The following NEK2 variants were observed in gnomAD, a reference collection of about 807,000 sequenced individuals.
NEK2 encodes the protein serine/threonine-protein kinase Nek2.
NEK2 carries 28 observed loss-of-function variants against 54.1 expected under a neutral mutation model. The ratio of observed to expected loss-of-function variants is 0.52; its 90% CI spans 0.38 to 0.71. NEK2 has a LOEUF of 0.71. Ranked by LOEUF, NEK2 falls within the 30% of genes least tolerant of loss-of-function variation. The pLI is 0.00. For missense variants in NEK2, 407 were observed against 531.5 expected (o/e 0.77, Z 2.30); for synonymous variants, 176 against 193.1 (o/e 0.91, Z 0.73).
At chr1:211,670,990 G>A (rs1415767341) in intron 4 of NEK2, among the ~76,000 whole-genome samples, 2 of 152,180 alleles carry the variant, frequency 1.3e-5, no homozygotes, top group Non-Finnish European at 2.9e-5. Context: ...CAAGACCCTT[G>A]AACAGTCAAG....
At chr1:211,667,874 C>A (rs1655228620) in intron 6 of NEK2, among the ~76,000 whole-genome samples, 1 of 151,994 alleles carries the variant, frequency 6.6e-6, no homozygotes, top group African/African-American at 2.4e-5. Flanking sequence ...GGCAAAACCC[C>A]ATCTCTACTA....
In NEK2 at chr1:211,663,207, T is replaced by C. The variant is rs552422095; in HGVS notation, c.*219A>G. ...AAAAGCCCAACCAAGAAAGTATTCT[T>C]TTTATAATATGTTCTTAAAAGAAGA... On this transcript the variant is annotated 3_prime_UTR_variant, in exon 8 of 8. Transcript: ENST00000366999. The C allele has an allele frequency of 7.6e-7, 1 of 1,323,612 alleles. No individual in the cohort carries two copies. Among genetic ancestry groups the C allele is most frequent in the South Asian group, 2.3e-5 (1 of 43,264 alleles). 82.0% of individuals were successfully genotyped at this position (1,323,612 alleles called of 1,614,324 possible).
chr1:211,663,820 C>T (rs1655092421), intron 7 of NEK2, among the ~76,000 whole-genome samples, 168 bp from the exon 8 acceptor site: 1 of 152,120 alleles, frequency 6.6e-6, no homozygotes, highest in South Asian at 2.1e-4. Context: ...TTGCAGAAAT[C>T]AGCCTTTTAA....
intron 7 of NEK2, among the ~76,000 whole-genome samples, chr1:211,664,139 TA>T (rs1281967621): frequency 6.6e-6 from 1 of 151,846 alleles, no homozygotes; most frequent in Admixed American, 6.6e-5. Flanking sequence ...CAAAGCATCT[TA>T]ATGGACGAGA....
intron 2 of NEK2, 22 bp downstream of exon 2, chr1:211,674,274 A>C (rs1304458822): frequency 1.5e-5 from 23 of 1,583,232 alleles, no homozygotes; most frequent in South Asian, 1.1e-4. Flanking sequence ...TTCAGCTTAC[A>C]TTTTTAAAAG....
In NEK2 at chr1:211,667,208, G is replaced by A. The variant is rs764512728; in HGVS notation, c.1009C>T (p.Arg337Cys). Reference sequence around the variant, plus strand: ...AGTTTGTCCTCTGCTAGTCTCTCACGAACACAAAGCTCCTGTTCTTTCTCT... The same window carrying A: ...AGTTTGTCCTCTGCTAGTCTCTCACAAACACAAAGCTCCTGTTCTTTCTCT... ...LEQKEQELCV[R>C]ERLAEDKLAR... The change falls in exon 7 of 8, where the codon CGT becomes TGT. Residue 337 changes from arginine to cysteine, a missense_variant. Transcript: ENST00000366999. 25 of 1,606,912 alleles carry A rather than the reference G, an allele frequency of 1.6e-5. No homozygotes were observed. The highest frequency in any genetic ancestry group is 1.0e-4 in the Admixed American group (6 of 59,012).
At chr1:211,663,822 GC>G (rs1439974356) in intron 7 of NEK2, among the ~76,000 whole-genome samples, 170 bp from the exon 8 acceptor site, 1 of 152,104 alleles carries the variant, frequency 6.6e-6, no homozygotes, top group Admixed American at 6.5e-5. Flanking sequence ...GCAGAAATCA[GC>G]CTTTTAATCC....
intron 5 of NEK2, 98 bp from the exon 6 acceptor site, chr1:211,669,430 A>G (rs1264285521): frequency 8.7e-7 from 1 of 1,145,234 alleles, no homozygotes; most frequent in East Asian, 2.4e-5. Context: ...TGTTTCCAAG[A>G]CAAAAGAAAG....
chr1:211,675,512 C>A lies in NEK2; in HGVS notation c.-33G>T, dbSNP rs771161304. On this transcript the variant is annotated 5_prime_UTR_variant, in exon 1 of 8. Coordinates refer to ENST00000366999, the MANE Select transcript of NEK2 (RefSeq NM_002497.4). ...CAGTCGCCAGAGTCGCGCTGCCTCA[C>A]GCAGGTTGCGCCGCCAAGTGCGGAG... is the stretch of plus-strand genomic sequence containing the variant. 11 of 1,584,098 alleles carry A rather than the reference C, an allele frequency of 6.9e-6. No individual in the cohort carries two copies. The highest frequency in any genetic ancestry group is 5.0e-5 in the Admixed American group (3 of 59,728).
At position 211,663,425 on chromosome 1, in the gene NEK2, G is replaced by GC; in HGVS notation, c.1338dup. ...ACACAGCTCTGTGTCTCTCTACCTG[G>GC]CTAGCGCATGCCCAGGATCTGTCTG... On this transcript the variant is annotated 3_prime_UTR_variant, in exon 8 of 8. Transcript: ENST00000366999. The GC allele has an allele frequency of 6.2e-7, 1 of 1,609,388 alleles. No individual in the cohort carries two copies. The highest frequency in any genetic ancestry group is 8.5e-7 in the Non-Finnish European group (1 of 1,177,130).
At position 211,675,442 on chromosome 1, in the gene NEK2, G is replaced by C; in HGVS notation, c.38C>G (p.Thr13Ser). 6.2e-7 allele frequency: 1 copy of C among 1,613,926 alleles called. No individual in the cohort carries two copies. Among genetic ancestry groups the C allele is most frequent in the East Asian group, 2.2e-5 (1 of 44,888 alleles). Residue 13 changes from threonine to serine, a missense_variant, in exon 1 of 8, where the codon ACC becomes AGC. Thr to Ser is a moderately conservative substitution (Grantham distance 58). Coordinates refer to ENST00000366999, the MANE Select transcript of NEK2 (RefSeq NM_002497.4). Reference protein sequence around the residue: ...SRAEDYEVLYTIGTGSYGRCQ... With the variant: ...SRAEDYEVLYSIGTGSYGRCQ... ...GCGGCCGTAGGAGCCTGTGCCAATG[G>C]TGTACAACACTTCATAGTCCTCAGC...
chr1:211,658,327 A>ATTTAC (rs1443881306), downstream of NEK2, among the ~76,000 whole-genome samples: 1 of 152,106 alleles, frequency 6.6e-6, no homozygotes, highest in East Asian at 1.9e-4. Flanking sequence ...TTTTAAAGGG[A>ATTTAC]ATTTATTTGA....
At chr1:211,673,925 A>G (rs1655489130) in intron 2 of NEK2, among the ~76,000 whole-genome samples, 1 of 152,114 alleles carries the variant, frequency 6.6e-6, no homozygotes, top group African/African-American at 2.4e-5. Flanking sequence ...CCCAGGCTCA[A>G]GCAATCCTCT....
At chr1:211,660,686 C>A (rs1822569), downstream of NEK2, 35 of 665,664 alleles carry the variant, frequency 5.3e-5, no homozygotes, top group Non-Finnish European at 8.6e-5. Flanking sequence ...AATTCTTTTC[C>A]TTGAATCTGC....
In NEK2 at chr1:211,667,054, A is replaced by G. The variant is rs192579526; in HGVS notation, c.1111+52T>C. On this transcript the variant is annotated intron_variant, in intron 7 of 7. Coordinates refer to ENST00000366999, the MANE Select transcript of NEK2 (RefSeq NM_002497.4). ...GCCACTTTGGGAGCAACACTGGTGC[A>G]CATTTCTTCATTTGTAGCACCAGCT... 236 of 1,611,694 alleles carry G rather than the reference A, an allele frequency of 1.5e-4. No individual in the cohort carries two copies. In the African/African-American group the frequency reaches 2.7e-3, roughly 18 times the overall value.
chr1:211,660,524 G>T, downstream of NEK2: 1 of 643,372 alleles, frequency 1.6e-6, no homozygotes, highest in Admixed American at 1.9e-5. Flanking sequence ...AGGTCAAAGT[G>T]ATCATCCTGA....
intron 3 of NEK2, among the ~76,000 whole-genome samples, chr1:211,672,738 G>C (rs1302170226): frequency 6.6e-6 from 1 of 152,118 alleles, no homozygotes; most frequent in Non-Finnish European, 1.5e-5. Context: ...TGAGTCTGAT[G>C]CAGATAACTA....
At chr1:211,667,264 T>A in intron 6 of NEK2, 33 bp from the exon 7 acceptor site, 1 of 1,560,206 alleles carries the variant, frequency 6.4e-7, no homozygotes, top group Non-Finnish European at 8.7e-7. Flanking sequence ...GAAAAAAAAA[T>A]TAACAACTGA....
chr1:211,662,733 C>G, downstream of NEK2: 1 of 944,490 alleles, frequency 1.1e-6, no homozygotes, highest in African/African-American at 1.8e-5. The surrounding 1 kb of genome is among the most constrained non-coding windows in gnomAD (Gnocchi z 4.2). Context: ...AAACACAACT[C>G]CCATCAACTA....
Sources: gnomAD v4.1 joint callset for allele counts (sites outside exome capture counted in the v4.1 genomes callset) on GRCh38, gnomAD v4.1.1 for gene constraint, Gnocchi (gnomAD v3.1) non-coding constraint, MANE v1.5 for transcripts, NCBI Gene and HGNC (gene_info 2026-07-23, HGNC 2026-07-21) for gene names.